NFATC2: variants seen among roughly 807,000 people sequenced by gnomAD.
NFATC2 encodes nuclear factor of activated T-cells, cytoplasmic 2.
A neutral mutation model predicts 87.3 loss-of-function variants in NFATC2; 22 were observed. That is an observed-to-expected ratio of 0.25 (90% confidence interval 0.18 to 0.36). The LOEUF is 0.36. Ranked by LOEUF, NFATC2 falls within the 10% of genes least tolerant of loss-of-function variation. The pLI is 1.00. For missense variants in NFATC2, 1,149 were observed against 1,259.1 expected (o/e 0.91, Z 1.32); for synonymous variants, 565 against 542.2 (o/e 1.04, Z -0.58).
At chr20:51,540,663 T>TTTTTTGTTTG (rs1202461916) in intron 1 of NFATC2, among the ~76,000 whole-genome samples, 1,666 of 135,792 alleles carry the variant, frequency 0.012, 60 homozygotes, top group African/African-American at 0.039. Flanking sequence ...TTTTTGTTTT[T>TTTTTTGTTTG]TTTTTTTTGA....
intron 5 of NFATC2, among the ~76,000 whole-genome samples, chr20:51,469,908 A>T (rs1988040317): frequency 1.3e-5 from 2 of 152,232 alleles, no homozygotes; most frequent in Non-Finnish European, 2.9e-5. Context: ...TGTTGTTTCA[A>T]GCCACCTGGT....
intron 3 of NFATC2, among the ~76,000 whole-genome samples, chr20:51,511,653 T>C (rs769289849): frequency 7.2e-5 from 11 of 152,146 alleles, no homozygotes; most frequent in Non-Finnish European, 1.5e-4. Context: ...CATACCTAAG[T>C]CCTGAAGATC....
intron 3 of NFATC2, 114 bp from the exon 4 acceptor site, chr20:51,475,774 G>C: frequency 3.0e-6 from 3 of 1,012,940 alleles, no homozygotes; most frequent in Non-Finnish European, 4.3e-6. Context: ...GATTTCTGCA[G>C]CATCTGGAAG....
intron 5 of NFATC2, among the ~76,000 whole-genome samples, chr20:51,473,758 T>C (rs1219843230): frequency 6.6e-6 from 1 of 152,230 alleles, no homozygotes; most frequent in Non-Finnish European, 1.5e-5. Context: ...AAATTTCCTG[T>C]GAGGCCACAA....
intron 9 of NFATC2, among the ~76,000 whole-genome samples, chr20:51,400,876 C>T (rs1806389664): frequency 1.3e-5 from 2 of 152,158 alleles, no homozygotes; most frequent in South Asian, 4.1e-4. Context: ...AGATGTGGCC[C>T]CAGCTCTATG....
intron 1 of NFATC2, among the ~76,000 whole-genome samples, chr20:51,555,558 C>A (rs1014232534): frequency 6.6e-6 from 1 of 151,722 alleles, no homozygotes; most frequent in East Asian, 1.9e-4. Flanking sequence ...GCCGCCATTG[C>A]ACTCCAGCCT....
At chr20:51,554,111 C>T (rs1352719375) in intron 1 of NFATC2, among the ~76,000 whole-genome samples, 2 of 152,144 alleles carry the variant, frequency 1.3e-5, no homozygotes, top group African/African-American at 4.8e-5. Flanking sequence ...CCCATCCGCA[C>T]AACTAAACCC....
At chr20:51,437,323 G>A (rs1983732737) in intron 6 of NFATC2, among the ~76,000 whole-genome samples, 1 of 152,228 alleles carries the variant, frequency 6.6e-6, no homozygotes, top group Non-Finnish European at 1.5e-5. Context: ...AAACTGCTGA[G>A]TCAAAGTCAA....
chr20:51,408,279 T>C (rs1978639522), intron 9 of NFATC2, among the ~76,000 whole-genome samples: 1 of 152,104 alleles, frequency 6.6e-6, no homozygotes, highest in African/African-American at 2.4e-5. Context: ...TTTGGGAGGC[T>C]GAGGCGGGCA....
intron 6 of NFATC2, 50 bp downstream of exon 6, chr20:51,454,498 A>T: frequency 1.2e-6 from 2 of 1,602,044 alleles, no homozygotes; most frequent in South Asian, 2.2e-5. Context: ...AGAGATGGTC[A>T]CTTTTGCATG....
chr20:51,395,760 G>C (rs188339510), intron 10 of NFATC2, among the ~76,000 whole-genome samples: 43 of 152,056 alleles, frequency 2.8e-4, no homozygotes, highest in Admixed American at 1.1e-3. Context: ...ATATAAAGAG[G>C]TGTTTCAACT....
chr20:51,449,159 G>A (rs967410051), intron 6 of NFATC2, among the ~76,000 whole-genome samples: 4 of 152,142 alleles, frequency 2.6e-5, no homozygotes, highest in South Asian at 4.1e-4. Context: ...CCCCTTCCTT[G>A]GAAAACTTCA....
chr20:51,413,920 G>A (rs1025393920), intron 9 of NFATC2, among the ~76,000 whole-genome samples: 1 of 152,192 alleles, frequency 6.6e-6, no homozygotes, highest in Non-Finnish European at 1.5e-5. Context: ...GGTTAAATGA[G>A]CTAATGCAGC....
intron 9 of NFATC2, among the ~76,000 whole-genome samples, chr20:51,425,494 C>G (rs1981658717): frequency 6.6e-6 from 1 of 152,234 alleles, no homozygotes; most frequent in Non-Finnish European, 1.5e-5. Flanking sequence ...CAGAGACTCC[C>G]TGTGTCTCAC....
intron 9 of NFATC2, 141 bp from the exon 10 acceptor site, chr20:51,398,871 G>A (rs1332681227): frequency 3.1e-6 from 2 of 639,638 alleles, no homozygotes; most frequent in African/African-American, 3.7e-5. Context: ...CCAGAATTCT[G>A]CAACATCTTA....
intron 10 of NFATC2, among the ~76,000 whole-genome samples, chr20:51,392,657 T>C (rs1189200847): frequency 1.3e-5 from 2 of 152,286 alleles, no homozygotes; most frequent in East Asian, 3.9e-4. Context: ...CAAAGGCAGG[T>C]TCATTTCCCA....
chr20:51,463,584 T>TG (rs906004743), intron 5 of NFATC2, among the ~76,000 whole-genome samples: 4 of 152,248 alleles, frequency 2.6e-5, no homozygotes, highest in Non-Finnish European at 5.9e-5. Flanking sequence ...TGATGAGCTC[T>TG]GGATCACTGA....
intron 9 of NFATC2, among the ~76,000 whole-genome samples, chr20:51,407,001 C>T (rs1034758844): frequency 1.3e-5 from 2 of 152,194 alleles, no homozygotes; most frequent in Admixed American, 6.5e-5. Flanking sequence ...ATCTGCTTCT[C>T]TCCCTCACTC....
At position 51,525,443 on chromosome 20, in the gene NFATC2, C is replaced by G. The variant is rs1026469375; in HGVS notation, c.131-1333G>C. 2.6e-5 allele frequency among the ~76,000 whole-genome samples: 4 copies of G among 152,142 alleles called. No homozygotes were observed. The East Asian group carries it at 5.8e-4, about 22-fold the overall frequency. On this transcript the variant is annotated intron_variant, in intron 1 of 10. Transcript: ENST00000371564. ...AATTCTCAGCCTGACCCTCTTCTAG[C>G]AGACACCCTGCCTCACTGCATCCTG... is the stretch of plus-strand genomic sequence containing the variant.
Sources: gnomAD v4.1 joint callset for allele counts (sites outside exome capture counted in the v4.1 genomes callset) on GRCh38, gnomAD v4.1.1 for gene constraint, MANE v1.5 for transcripts, NCBI Gene and HGNC (gene_info 2026-07-23, HGNC 2026-07-21) for gene names.